XIRP2: variants seen among roughly 807,000 people sequenced by gnomAD.
XIRP2 encodes the protein xin actin-binding repeat-containing protein 2.
A neutral mutation model predicts 277.0 loss-of-function variants in XIRP2; 236 were observed. That is an observed-to-expected ratio of 0.85 (90% CI 0.77 to 0.95). XIRP2 has a LOEUF of 0.95. XIRP2 is among the 40% of genes least tolerant of loss of function. The pLI, the probability that XIRP2 is intolerant of heterozygous loss-of-function variation, is 0.00. For missense variants in XIRP2, 4,640 were observed against 4,157.5 expected, an observed-to-expected ratio of 1.12 and a Z score of -3.19; for synonymous variants, 1,490 against 1,416.5, an observed-to-expected ratio of 1.05 and a Z score of -1.17.
chr2:167,111,191 G>T (rs138328058), intron 2 of XIRP2, among the ~76,000 whole-genome samples: 231 of 152,118 alleles, frequency 1.5e-3, no homozygotes, highest in Admixed American at 1.9e-3. Context: ...GATTGTTATG[G>T]CCAGGCCTTC....
At chr2:166,915,639 A>G (rs1323200192) in intron 2 of XIRP2, among the ~76,000 whole-genome samples, 3 of 152,156 alleles carry the variant, frequency 2.0e-5, no homozygotes, top group African/African-American at 7.2e-5. Context: ...CTCACCATTA[A>G]TAAGGGGGTT....
intron 3 of XIRP2, among the ~76,000 whole-genome samples, chr2:167,191,372 C>G (rs375050006): frequency 6.6e-6 from 1 of 152,226 alleles, no homozygotes; most frequent in East Asian, 1.9e-4. Context: ...TAGAAACTAA[C>G]TGTCTTGATT....
intron 2 of XIRP2, among the ~76,000 whole-genome samples, chr2:167,130,578 T>C (rs943762235): frequency 2.0e-5 from 3 of 152,292 alleles, no homozygotes; most frequent in Admixed American, 2.0e-4. Flanking sequence ...TGCCAAGTAT[T>C]CACACTAAAA....
intron 3 of XIRP2, among the ~76,000 whole-genome samples, chr2:167,157,438 TA>T (rs1692233752): frequency 6.6e-6 from 1 of 152,168 alleles, no homozygotes; most frequent in Non-Finnish European, 1.5e-5. Flanking sequence ...ATCCACTTTA[TA>T]CAGATGTTTT....
chr2:167,008,244 C>T (rs1239508317), intron 2 of XIRP2, among the ~76,000 whole-genome samples: 2 of 151,182 alleles, frequency 1.3e-5, no homozygotes, highest in Non-Finnish European at 3.0e-5. Context: ...ATTTTTTTTT[C>T]TGCTAAGAGA....
chr2:167,166,332 A>C (rs368812059), intron 3 of XIRP2, among the ~76,000 whole-genome samples: 58 of 152,260 alleles, frequency 3.8e-4, no homozygotes, highest in African/African-American at 1.3e-3. Flanking sequence ...ACATTGCATA[A>C]TTTCTATTCT....
chr2:167,235,440 TA>T (rs1168476338), intron 5 of XIRP2, among the ~76,000 whole-genome samples: 3 of 151,802 alleles, frequency 2.0e-5, no homozygotes, highest in South Asian at 2.1e-4. Context: ...TTCACACTAC[TA>T]AAAAAAAGTG....
chr2:167,240,861 C>T lies in XIRP2; in HGVS notation c.1042+125C>T, dbSNP rs530257621. The T allele has an allele frequency of 8.7e-4, 682 of 784,832 alleles. 12 individuals are homozygous for T. The South Asian group carries it at 0.011, about 12-fold the overall frequency. The allele number at this position is 784,832 out of a possible 1,614,324, so 48.6% of individuals were successfully genotyped here. A position where few individuals can be genotyped will look rare whatever the true frequency, so the allele number is the denominator to read the frequency against. ...ACTTTAGTAACTATGACTCATGGTT[C>T]CAGGGAGAGCTGAGTAGTATTTCTA... On this transcript the variant is annotated intron_variant, in intron 7 of 10. Coordinates refer to ENST00000409195, the MANE Select transcript of XIRP2 (RefSeq NM_152381.6).
intron 2 of XIRP2, among the ~76,000 whole-genome samples, chr2:167,012,418 G>T (rs558442252): frequency 6.6e-5 from 10 of 151,722 alleles, no homozygotes; most frequent in African/African-American, 1.9e-4. Flanking sequence ...CCTAAATTTT[G>T]TAAAGGAAAC....
intron 2 of XIRP2, among the ~76,000 whole-genome samples, chr2:167,090,588 A>C (rs181159299): frequency 1.4e-4 from 21 of 152,136 alleles, no homozygotes; most frequent in African/African-American, 5.1e-4. Context: ...TAGGTGATTT[A>C]TGTTTAAAAG....
intron 2 of XIRP2, among the ~76,000 whole-genome samples, chr2:167,054,683 CAA>C (rs5836129): frequency 4.3e-4 from 47 of 108,818 alleles, no homozygotes; most frequent in Middle Eastern, 4.4e-3. Context: ...GACTCAGTCG[CAA>C]AAAAAAAAAA....
In XIRP2 at chr2:167,151,285, T is replaced by C. The variant is rs563405608; in HGVS notation, c.562+15223T>C. The stretch of plus-strand genomic sequence containing the variant: ...TTAATGGCATACAGAAGGCTTTTAT[T>C]AAGTATTAATTAATGGGCTGAATTC... On this transcript the variant is annotated intron_variant, in intron 3 of 10. Transcript: ENST00000409195. Among the ~76,000 whole-genome samples the C allele has an allele frequency of 2.2e-4, 33 of 152,194 alleles. No individual in the cohort carries two copies. The South Asian group carries it at 6.9e-3, about 32-fold the overall frequency.
intron 2 of XIRP2, among the ~76,000 whole-genome samples, chr2:166,948,248 T>C (rs2105392135): frequency 6.6e-6 from 1 of 152,240 alleles, no homozygotes; most frequent in Non-Finnish European, 1.5e-5. Flanking sequence ...TGTGGGTTCA[T>C]CTATTATAAC....
At chr2:167,214,287 G>A (rs1242409207) in intron 4 of XIRP2, among the ~76,000 whole-genome samples, 2 of 113,382 alleles carry the variant, frequency 1.8e-5, no homozygotes, top group African/African-American at 3.8e-5. Context: ...GAGGGAGGGA[G>A]GGAGGGAGGG....
At chr2:167,112,617 C>A (rs10182432) in intron 2 of XIRP2, among the ~76,000 whole-genome samples, 94,147 of 147,946 alleles carry the variant, frequency 0.64, 32,635 homozygotes, top group African/African-American at 0.9. Context: ...ATCTCTCTCT[C>A]TATATATTTT....
rs868379084 is a variant in XIRP2 at position 167,259,503 on chromosome 2, G to A, written c.*1686G>A. The A allele has an allele frequency of 5.8e-5, 46 of 798,242 alleles. No homozygotes were observed. Among genetic ancestry groups the A allele is most frequent in the Middle Eastern group, 2.4e-4 (1 of 4,162 alleles). 49.4% of individuals were successfully genotyped at this position (798,242 alleles called of 1,614,324 possible). ...CAGAAATCTCGTGTCTATCTCAATG[G>A]GATATTTCTTGTATTACACCTTGTC... On this transcript the variant is annotated 3_prime_UTR_variant, in exon 11 of 11. Transcript: ENST00000409195.
chr2:166,914,977 G>C (rs766429380), intron 2 of XIRP2, among the ~76,000 whole-genome samples: 1 of 151,982 alleles, frequency 6.6e-6, no homozygotes, highest in Non-Finnish European at 1.5e-5. Flanking sequence ...AGAAGAAGAA[G>C]TTTATTTGTT....
intron 4 of XIRP2, among the ~76,000 whole-genome samples, chr2:167,215,912 C>A (rs909714979): frequency 1.3e-5 from 2 of 152,144 alleles, no homozygotes; most frequent in African/African-American, 4.8e-5. Context: ...TTTCAAATTG[C>A]TTCCAATGAT....
At chr2:167,165,930 T>C (rs1692510030) in intron 3 of XIRP2, among the ~76,000 whole-genome samples, 1 of 152,214 alleles carries the variant, frequency 6.6e-6, no homozygotes, top group Admixed American at 6.5e-5. Context: ...TCATCTAGAT[T>C]TTGTATTATC....
Sources: gnomAD v4.1 joint callset for allele counts (sites outside exome capture counted in the v4.1 genomes callset) on GRCh38, gnomAD v4.1.1 for gene constraint, MANE v1.5 for transcripts, NCBI Gene and HGNC (gene_info 2026-07-23, HGNC 2026-07-21) for gene names.